The following RNF182 variants were observed in gnomAD, a reference collection of about 807,000 sequenced individuals.
RNF182 encodes the protein E3 ubiquitin-protein ligase RNF182.
RNF182 carries 15 observed loss-of-function variants against 14.4 expected under a neutral mutation model. The ratio of observed to expected loss-of-function variants is 1.04; its 90% CI spans 0.70 to 1.60. The LOEUF is 1.60. Ranked by LOEUF, RNF182 falls within the 40% of genes most tolerant of loss-of-function variation. The probability of loss-of-function intolerance (pLI) is 0.00; values close to 1 mark genes in which losing one functional copy is unlikely to be tolerated. For synonymous variants in RNF182, 128 were observed against 122.9 expected, an observed-to-expected ratio of 1.04 and a Z score of -0.27; for missense variants, 268 against 294.8, an observed-to-expected ratio of 0.91 and a Z score of 0.67.
At position 13,980,258 on chromosome 6, in the gene RNF182, CAG is replaced by C. The variant is rs1289709241; in HGVS notation, c.*2396_*2397del. The C allele has an allele frequency of 2.4e-5, 3 of 124,050 alleles. No individual in the cohort carries two copies. The highest frequency in any genetic ancestry group is 4.9e-4 in the South Asian group (2 of 4,116). 7.7% of individuals were successfully genotyped at this position (124,050 alleles called of 1,614,324 possible). A position where few individuals can be genotyped will look rare whatever the true frequency, so the allele number is the denominator to read the frequency against. On this transcript the variant is annotated 3_prime_UTR_variant, in exon 3 of 3. Transcript: ENST00000488300. Reference sequence around the variant, plus strand: ...TTTATTTTATTTATTTATTTTAAAGCAGGGGAGAAAAATTAGGGGAGATGAAA... The same window carrying C: ...TTTATTTTATTTATTTATTTTAAAGCGGGAGAAAAATTAGGGGAGATGAAA...
Position 13,977,971 on chromosome 6 carries a change from A to G in RNF182, c.*108A>G. 8.2e-7 allele frequency: 1 copy of G among 1,223,706 alleles called. No homozygotes were observed. Among genetic ancestry groups the G allele is most frequent in the Non-Finnish European group, 1.1e-6 (1 of 883,698 alleles). 75.8% of individuals were successfully genotyped at this position (1,223,706 alleles called of 1,614,324 possible). On this transcript the variant is annotated 3_prime_UTR_variant, in exon 3 of 3. Transcript: ENST00000488300. ...GTTCTTTATGATTAGTATCCATGAC[A>G]TTAACAAAACCCTTGGCCACATGTT...
chr6:13,933,891 G>A (rs146645015), intron 1 of RNF182, among the ~76,000 whole-genome samples: 319 of 152,120 alleles, frequency 2.1e-3, no homozygotes, highest in African/African-American at 7.4e-3. Flanking sequence ...GGTGGCATGC[G>A]CCTGTAGTCC....
intron 1 of RNF182, among the ~76,000 whole-genome samples, chr6:13,939,458 C>T (rs964192335): frequency 6.6e-6 from 1 of 151,862 alleles, no homozygotes; most frequent in Non-Finnish European, 1.5e-5. Flanking sequence ...ATTGCAAATG[C>T]CATCTTTTCA....
At chr6:13,960,945 T>G (rs938034570) in intron 1 of RNF182, among the ~76,000 whole-genome samples, 1 of 152,172 alleles carries the variant, frequency 6.6e-6, no homozygotes, top group Non-Finnish European at 1.5e-5. Flanking sequence ...AATAATCTAA[T>G]TTTCAGGCCA....
chr6:13,964,291 G>C lies in RNF182; in HGVS notation c.-366-9919G>C, dbSNP rs569228859. Among the ~76,000 whole-genome samples the C allele has an allele frequency of 4.6e-5, 7 of 152,236 alleles. No homozygotes were observed. The South Asian group carries it at 1.5e-3, about 32-fold the overall frequency. ...AAAAAATAATAATATGCAAAAAGGA[G>C]AATTCTAAAAAGTGAATTTCAGAAA... On this transcript the variant is annotated intron_variant, in intron 1 of 2. Transcript: ENST00000488300.
chr6:13,934,250 G>A (rs1282852838), intron 1 of RNF182, among the ~76,000 whole-genome samples: 1 of 152,098 alleles, frequency 6.6e-6, no homozygotes, highest in Non-Finnish European at 1.5e-5. Flanking sequence ...TTGATTCAGA[G>A]TCACTCCTCA....
intron 1 of RNF182, among the ~76,000 whole-genome samples, chr6:13,959,024 G>C (rs1393401851): frequency 6.6e-6 from 1 of 152,134 alleles, no homozygotes; most frequent in Non-Finnish European, 1.5e-5. Flanking sequence ...GCAGATATCG[G>C]CTCCCTTTCA....
intron 1 of RNF182, among the ~76,000 whole-genome samples, chr6:13,926,332 C>T (rs77387469): frequency 0.053 from 8,012 of 152,248 alleles, 379 homozygotes; most frequent in Admixed American, 0.15. Flanking sequence ...CTTGAGGTGT[C>T]AGGCAAAGAG....
At chr6:13,953,647 A>G (rs886869792) in intron 1 of RNF182, among the ~76,000 whole-genome samples, 9 of 152,206 alleles carry the variant, frequency 5.9e-5, no homozygotes, top group African/African-American at 2.2e-4. Flanking sequence ...AGAGCAAAGT[A>G]GACAATCAGG....
At chr6:13,972,358 G>A (rs1275881213) in intron 1 of RNF182, among the ~76,000 whole-genome samples, 9 of 151,348 alleles carry the variant, frequency 5.9e-5, no homozygotes, top group South Asian at 4.2e-4. Flanking sequence ...GCAGCTTGAC[G>A]ATGCAATAGA....
At position 13,977,663 on chromosome 6, in the gene RNF182, A is replaced by G; in HGVS notation, c.544A>G (p.Ile182Val). Residue 182 changes from isoleucine (I) to valine (V), a missense_variant, in exon 3 of 3, where the codon ATC becomes GTC. Coordinates refer to ENST00000488300, the MANE Select transcript of RNF182 (RefSeq NM_152737.4). Reference protein sequence around the residue: ...NCTSLLFQTSIRVLVWLLGLL... With the variant: ...NCTSLLFQTSVRVLVWLLGLL... ...CACGTCCCTGCTGTTTCAGACATCCATCCGGGTGTTAGTGTGGTTGCTAGG... is the reference window on the plus strand; with the variant it reads ...CACGTCCCTGCTGTTTCAGACATCCGTCCGGGTGTTAGTGTGGTTGCTAGG... 1 of 1,614,180 alleles carries G rather than the reference A, an allele frequency of 6.2e-7. No homozygotes were observed. Among genetic ancestry groups the G allele is most frequent in the Non-Finnish European group, 8.5e-7 (1 of 1,180,018 alleles).
intron 1 of RNF182, among the ~76,000 whole-genome samples, chr6:13,938,004 G>GTTTTTTTTTTTTTTTT (rs70989897): frequency 1.3e-5 from 1 of 79,598 alleles, no homozygotes; most frequent in African/African-American, 5.1e-5. Context: ...TTTTCTTACT[G>GTTTTTTTTTTTTTTTT]TTTTTTTTTT....
In RNF182 at chr6:13,977,094, G is replaced by A; in HGVS notation, c.-26G>A. On this transcript the variant is annotated 5_prime_UTR_variant, in exon 3 of 3. Coordinates refer to ENST00000488300, the MANE Select transcript of RNF182 (RefSeq NM_152737.4). ...GCCATTCTTCAACAAGACCCACCTG[G>A]CATAAGATTGCACACATAATTCAAG... is the stretch of plus-strand genomic sequence containing the variant. 6.3e-7 allele frequency: 1 copy of A among 1,589,942 alleles called. No homozygotes were observed. Among genetic ancestry groups the A allele is most frequent in the South Asian group, 1.1e-5 (1 of 87,176 alleles).
intron 1 of RNF182, among the ~76,000 whole-genome samples, chr6:13,937,652 G>A (rs1759166740): frequency 6.6e-6 from 1 of 152,186 alleles, no homozygotes; most frequent in African/African-American, 2.4e-5. Flanking sequence ...GTGTATGTGA[G>A]CATTTCTGTT....
intron 1 of RNF182, among the ~76,000 whole-genome samples, chr6:13,958,005 T>G (rs1759770506): frequency 6.6e-6 from 1 of 152,204 alleles, no homozygotes; most frequent in Non-Finnish European, 1.5e-5. Context: ...TCTTTTATTT[T>G]TTCAACATGT....
chr6:13,931,896 C>A (rs1438691509), intron 1 of RNF182, among the ~76,000 whole-genome samples: 1 of 152,040 alleles, frequency 6.6e-6, no homozygotes, highest in Admixed American at 6.5e-5. Flanking sequence ...GAGGGTGGAG[C>A]CCTCATAAAT....
chr6:13,948,845 C>A (rs1028343608), intron 1 of RNF182, among the ~76,000 whole-genome samples: 2 of 152,072 alleles, frequency 1.3e-5, no homozygotes, highest in African/African-American at 4.8e-5. Flanking sequence ...TGTCTCTTTT[C>A]TCTCCTTTCT....
intron 1 of RNF182, among the ~76,000 whole-genome samples, chr6:13,964,069 G>A (rs1585044464): frequency 1.3e-5 from 2 of 149,376 alleles, no homozygotes; most frequent in Admixed American, 6.6e-5. Flanking sequence ...AGAAAAACAC[G>A]AATTTTTTAA....
At chr6:13,927,453 G>A (rs950546664) in intron 1 of RNF182, among the ~76,000 whole-genome samples, 1 of 152,094 alleles carries the variant, frequency 6.6e-6, no homozygotes, top group Non-Finnish European at 1.5e-5. Context: ...TTAGCTTACG[G>A]GTTTTAATTT....
Sources: gnomAD v4.1 joint callset for allele counts (sites outside exome capture counted in the v4.1 genomes callset) on GRCh38, gnomAD v4.1.1 for gene constraint, MANE v1.5 for transcripts, NCBI Gene and HGNC (gene_info 2026-07-23, HGNC 2026-07-21) for gene names.